Variants in L3MBTL4 observed in about 807,000 individuals in gnomAD.
L3MBTL4 encodes the protein lethal(3)malignant brain tumor-like protein 4.
A neutral mutation model predicts 84.5 loss-of-function variants in L3MBTL4; 70 were observed. That is an observed-to-expected ratio of 0.83 (90% CI 0.68 to 1.01). L3MBTL4 has a LOEUF of 1.01. L3MBTL4 is among the 50% of genes least tolerant of loss of function. The pLI is 0.00. For missense variants in L3MBTL4, 715 were observed against 754.8 expected (o/e 0.95, Z 0.62); for synonymous variants, 274 against 259.8 (o/e 1.05, Z -0.52).
At chr18:6,324,391 A>G (rs146643944) in intron 1 of L3MBTL4, among the ~76,000 whole-genome samples, 1 of 152,210 alleles carries the variant, frequency 6.6e-6, no homozygotes, top group South Asian at 2.1e-4. Flanking sequence ...AGCTTGCACG[A>G]TGCTCCTGGA....
At chr18:6,337,052 T>C (rs2052373838) in intron 1 of L3MBTL4, among the ~76,000 whole-genome samples, 1 of 152,138 alleles carries the variant, frequency 6.6e-6, no homozygotes, top group Non-Finnish European at 1.5e-5. Flanking sequence ...CAGATTGACA[T>C]TGCAGTAATC....
intron 13 of L3MBTL4, among the ~76,000 whole-genome samples, chr18:6,152,340 T>G (rs1261833398): frequency 6.6e-6 from 1 of 152,202 alleles, no homozygotes; most frequent in East Asian, 1.9e-4. Context: ...CCAATTTATA[T>G]TCCTATTAAC....
intron 13 of L3MBTL4, among the ~76,000 whole-genome samples, chr18:6,141,330 C>T (rs1425125565): frequency 6.6e-6 from 1 of 152,016 alleles, no homozygotes; most frequent in Non-Finnish European, 1.5e-5. Context: ...AGGTTTGCTC[C>T]TGGGCCATTC....
chr18:5,986,840 A>C (rs1302873209), intron 16 of L3MBTL4, among the ~76,000 whole-genome samples: 1 of 152,226 alleles, frequency 6.6e-6, no homozygotes, highest in Non-Finnish European at 1.5e-5. Context: ...GACTTCCCAG[A>C]GCCTCATTTT....
At chr18:6,268,365 C>T (rs1370084877) in intron 4 of L3MBTL4, among the ~76,000 whole-genome samples, 3 of 152,138 alleles carry the variant, frequency 2.0e-5, no homozygotes, top group Admixed American at 6.5e-5. Flanking sequence ...CGAGATGGCG[C>T]CATTGCACTC....
chr18:6,124,893 T>C (rs1180186790), intron 14 of L3MBTL4, among the ~76,000 whole-genome samples: 1 of 151,700 alleles, frequency 6.6e-6, no homozygotes, highest in African/African-American at 2.4e-5. Flanking sequence ...GCTTTAAAAA[T>C]GGAAGGAAAA....
At chr18:6,304,183 C>CT (rs2050478603) in intron 3 of L3MBTL4, among the ~76,000 whole-genome samples, 1 of 151,594 alleles carries the variant, frequency 6.6e-6, no homozygotes, top group Admixed American at 6.6e-5. Context: ...TTTTTAGTTC[C>CT]TTTTTCAAGT....
chr18:6,081,565 T>C (rs977064200), intron 15 of L3MBTL4, among the ~76,000 whole-genome samples: 4 of 152,230 alleles, frequency 2.6e-5, no homozygotes, highest in Non-Finnish European at 4.4e-5. Context: ...TTTAGGTAGA[T>C]AGGCCTGTGA....
Position 6,243,425 on chromosome 18 carries a change from C to T in L3MBTL4, c.329G>A (p.Cys110Tyr), listed in dbSNP as rs1002515058. ...AAAATGAAGTCTTAGACGGTAACCA[C>T]AAACCTGCAAGATAGAAAGTTTACA... The part of the protein sequence containing the change: ...VFCVLSVAEV[C>Y]GYRLRLHFDG... The change falls in exon 7 of 19, where the codon TGT becomes TAT. Residue 110 changes from cysteine to tyrosine, a missense_variant. By Grantham distance (194) the Cys-to-Tyr change is radical. Coordinates refer to ENST00000317931, the MANE Select transcript of L3MBTL4 (RefSeq NM_001330559.2). 5.6e-6 allele frequency: 9 copies of T among 1,594,162 alleles called. No individual in the cohort carries two copies. The highest frequency in any genetic ancestry group is 2.7e-5 in the African/African-American group (2 of 74,446).
chr18:6,165,700 C>T (rs954044774), intron 13 of L3MBTL4, among the ~76,000 whole-genome samples: 8 of 152,156 alleles, frequency 5.3e-5, no homozygotes, highest in South Asian at 2.1e-4. Flanking sequence ...TGGAAAGGAA[C>T]GACTGGTACC....
At chr18:6,047,130 A>G (rs2056657133) in intron 16 of L3MBTL4, among the ~76,000 whole-genome samples, 2 of 152,202 alleles carry the variant, frequency 1.3e-5, no homozygotes, top group African/African-American at 4.8e-5. Context: ...CTCTATGCAC[A>G]CAATCTGGAA....
chr18:6,270,004 C>G lies in L3MBTL4; in HGVS notation c.128-5966G>C, dbSNP rs764987174. Among the ~76,000 whole-genome samples, 5 of 152,142 alleles carry G rather than the reference C, an allele frequency of 3.3e-5. No individual in the cohort carries two copies. The South Asian group carries it at 8.3e-4, about 25-fold the overall frequency. On this transcript the variant is annotated intron_variant, in intron 4 of 18. Coordinates refer to ENST00000317931, the MANE Select transcript of L3MBTL4 (RefSeq NM_001330559.2). ...CAATTCCATTAGCCATAAACACAAC[C>G]CTTCATGGTGATATTTCCATTTCAT...
chr18:6,032,988 C>G (rs373581370), intron 16 of L3MBTL4, among the ~76,000 whole-genome samples: 3 of 152,304 alleles, frequency 2.0e-5, no homozygotes, highest in East Asian at 3.9e-4. Context: ...CTTAAGAAGA[C>G]TGTATGCCGC....
chr18:6,158,160 AT>A (rs1293853771), intron 13 of L3MBTL4, among the ~76,000 whole-genome samples: 1 of 152,254 alleles, frequency 6.6e-6, no homozygotes, highest in Non-Finnish European at 1.5e-5. Flanking sequence ...AAGTCAGACC[AT>A]GGAAAAACAC....
chr18:6,001,916 G>T (rs1240498321), intron 16 of L3MBTL4, among the ~76,000 whole-genome samples: 1 of 152,108 alleles, frequency 6.6e-6, no homozygotes, highest in Admixed American at 6.6e-5. Context: ...TTTAAGGAAA[G>T]TCACAGATTT....
intron 10 of L3MBTL4, among the ~76,000 whole-genome samples, chr18:6,219,813 A>T (rs1261519043): frequency 6.6e-6 from 1 of 151,988 alleles, no homozygotes; most frequent in Non-Finnish European, 1.5e-5. Context: ...AGACGAGGAG[A>T]ACTACTTGGG....
chr18:6,282,329 G>A (rs987340017), intron 4 of L3MBTL4, among the ~76,000 whole-genome samples: 38 of 152,234 alleles, frequency 2.5e-4, no homozygotes, highest in African/African-American at 9.1e-4. Context: ...GGCCATGAGA[G>A]CACAGAATAG....
At chr18:6,408,642 A>G (rs1003720634) in intron 1 of L3MBTL4, among the ~76,000 whole-genome samples, 1 of 151,866 alleles carries the variant, frequency 6.6e-6, no homozygotes, top group African/African-American at 2.4e-5. Context: ...TATTTCTCAC[A>G]GTAGACAAAT....
intron 1 of L3MBTL4, among the ~76,000 whole-genome samples, chr18:6,314,404 G>A (rs760797127): frequency 6.6e-6 from 1 of 152,122 alleles, no homozygotes; most frequent in Non-Finnish European, 1.5e-5. Context: ...TCCAGGGAAA[G>A]TAAAGGTATA....
Sources: gnomAD v4.1 joint callset for allele counts (sites outside exome capture counted in the v4.1 genomes callset) on GRCh38, gnomAD v4.1.1 for gene constraint, MANE v1.5 for transcripts, NCBI Gene and HGNC (gene_info 2026-07-23, HGNC 2026-07-21) for gene names.